Variants in SPACA1 observed in about 807,000 individuals in gnomAD.
SPACA1 encodes the protein sperm acrosome membrane-associated protein 1.
Under a neutral mutation model 32.6 loss-of-function variants are expected in SPACA1, and 17 were observed. The ratio of observed to expected loss-of-function variants is 0.52; its 90% CI spans 0.36 to 0.78. The LOEUF is 0.78. Ranked by LOEUF, SPACA1 falls within the 30% of genes least tolerant of loss-of-function variation. The pLI, the probability that SPACA1 is intolerant of heterozygous loss-of-function variation, is 0.01. For missense variants in SPACA1, 363 were observed against 373.4 expected (o/e 0.97, Z 0.23); for synonymous variants, 140 against 138.1 (o/e 1.01, Z -0.10).
upstream of SPACA1, chr6:88,047,833 C>T (rs1775662569): frequency 7.2e-7 from 1 of 1,392,816 alleles, no homozygotes; most frequent in South Asian, 1.5e-5. Context: ...GGTGTCGCAG[C>T]TCTCTTCGAC....
intron 2 of SPACA1, 53 bp downstream of exon 2, chr6:88,054,055 A>G: frequency 3.9e-6 from 6 of 1,546,710 alleles, no homozygotes; most frequent in Non-Finnish European, 4.5e-6. Context: ...CGGGGGAGGA[A>G]AGGTAAAAGC....
Position 88,059,469 on chromosome 6 carries a change from T to C in SPACA1, c.491T>C (p.Val164Ala). Residue 164 changes from valine (V) to alanine (A), a missense_variant, in exon 5 of 7, where the codon GTA (valine) becomes GCA (alanine). Coordinates refer to ENST00000237201, the MANE Select transcript of SPACA1 (RefSeq NM_030960.3). ...LRQDQQSIIL[V>A]NDSAILEVRK... ...TTTAAATAGCAATCCATTATACTTG[T>C]AAATGATTCAGCAATCCTAGAAGTA... 6.2e-7 allele frequency: 1 copy of C among 1,611,680 alleles called. No homozygotes were observed. Among genetic ancestry groups the C allele is most frequent in the Non-Finnish European group, 8.5e-7 (1 of 1,178,984 alleles).
chr6:88,051,633 C>T (rs1198958823), intron 1 of SPACA1, among the ~76,000 whole-genome samples: 1 of 152,190 alleles, frequency 6.6e-6, no homozygotes, highest in African/African-American at 2.4e-5. Flanking sequence ...CTATTGAATT[C>T]ACTATTGAAC....
chr6:88,050,354 T>C lies in SPACA1; in HGVS notation c.208+2241T>C, dbSNP rs562802536. 2.0e-5 allele frequency among the ~76,000 whole-genome samples: 3 copies of C among 152,300 alleles called. No homozygotes were observed. The East Asian group carries it at 5.8e-4, about 29-fold the overall frequency. ...CAATTCTTAAGTTAGAGAAAATTCA[T>C]CTAGTATATTCATCCAAGATAATCA... is the stretch of plus-strand genomic sequence containing the variant. On this transcript the variant is annotated intron_variant, in intron 1 of 6. Coordinates refer to ENST00000237201, the MANE Select transcript of SPACA1 (RefSeq NM_030960.3).
Position 88,066,332 on chromosome 6 carries a change from A to G in SPACA1, c.882A>G (p.Glu294=). ...GEDDALSEWN[E] is the part of the protein sequence containing the mutation. ...ATGATGCTTTAAGTGAATGGAATGA[A>G]TGATGTTTGAATGATATATAACAAA... Residue 294 remains glutamate, a synonymous_variant, in exon 7 of 7, where the codon GAA becomes GAG. Transcript: ENST00000237201. The G allele has an allele frequency of 6.2e-7, 1 of 1,609,280 alleles. No individual in the cohort carries two copies. The highest frequency in any genetic ancestry group is 8.5e-7 in the Non-Finnish European group (1 of 1,177,704).
chr6:88,048,762 C>A lies in SPACA1; in HGVS notation c.208+649C>A, dbSNP rs1306433192. 2.5e-5 allele frequency among the ~76,000 whole-genome samples: 3 copies of A among 120,226 alleles called. No homozygotes were observed. The Admixed American group carries it at 2.6e-4, about 10-fold the overall frequency. 78.9% of individuals were successfully genotyped at this position (120,226 alleles called of 152,430 possible). A position where few individuals can be genotyped will look rare whatever the true frequency, so the allele number is the denominator to read the frequency against. ...ATATTAACCAAGGAACAATGAGCCC[C>A]CCGCTTGGTACATACATTTGCTTTT... On this transcript the variant is annotated intron_variant, in intron 1 of 6. Transcript: ENST00000237201.
chr6:88,065,146 C>A (rs1044872860), intron 6 of SPACA1, among the ~76,000 whole-genome samples: 10 of 148,202 alleles, frequency 6.7e-5, no homozygotes, highest in Admixed American at 2.7e-4. Flanking sequence ...ACCATGTATA[C>A]ACACATATAT....
chr6:88,048,219 GCTCT>G (rs1174268718), intron 1 of SPACA1, 106 bp downstream of exon 1: 27 of 1,194,916 alleles, frequency 2.3e-5, no homozygotes, highest in East Asian at 1.3e-4. Flanking sequence ...CGTCAGGAGA[GCTCT>G]CTCTCATACT....
At chr6:88,050,854 G>T (rs953436482) in intron 1 of SPACA1, among the ~76,000 whole-genome samples, 3 of 152,190 alleles carry the variant, frequency 2.0e-5, no homozygotes, top group Non-Finnish European at 4.4e-5. Flanking sequence ...AAATCATTAA[G>T]ATATTAGATT....
In SPACA1 at chr6:88,066,428, G is replaced by A. The variant is rs1288583031; in HGVS notation, c.*93G>A. On this transcript the variant is annotated 3_prime_UTR_variant, in exon 7 of 7. Transcript: ENST00000237201. ...ATACACATTGAAATACTTTAATAAT[G>A]TTGCGATGGATTGCCACAGTGTGAA... 3.2e-5 allele frequency: 39 copies of A among 1,235,144 alleles called. No homozygotes were observed. 76.5% of individuals were successfully genotyped at this position (1,235,144 alleles called of 1,614,324 possible). A position where few individuals can be genotyped will look rare whatever the true frequency, so the allele number is the denominator to read the frequency against.
intron 5 of SPACA1, among the ~76,000 whole-genome samples, chr6:88,061,536 T>C (rs1054921043): frequency 1.3e-5 from 2 of 152,028 alleles, no homozygotes; most frequent in African/African-American, 4.8e-5. Context: ...GACAGCCATG[T>C]GAAAATGGAG....
intron 3 of SPACA1, 59 bp downstream of exon 3, chr6:88,057,772 T>C: frequency 6.8e-7 from 1 of 1,460,884 alleles, no homozygotes; most frequent in Non-Finnish European, 9.6e-7. Flanking sequence ...TGGGGAAATA[T>C]TTTTCACCTC....
chr6:88,057,783 A>G (rs1775832637), intron 3 of SPACA1, 70 bp downstream of exon 3: 1 of 1,360,880 alleles, frequency 7.3e-7, no homozygotes, highest in South Asian at 1.2e-5. Context: ...TTTTCACCTC[A>G]GGTTGCCACT....
At chr6:88,059,033 A>G in intron 4 of SPACA1, among the ~76,000 whole-genome samples, 1 of 152,250 alleles carries the variant, frequency 6.6e-6, no homozygotes, top group Admixed American at 6.5e-5. Flanking sequence ...TATAATCAGA[A>G]CTTTAAAACG....
intron 1 of SPACA1, among the ~76,000 whole-genome samples, chr6:88,048,964 T>C (rs1775688619): frequency 6.6e-6 from 1 of 152,208 alleles, no homozygotes; most frequent in Non-Finnish European, 1.5e-5. Context: ...TTGTTTGCAT[T>C]CTCATATCTC....
Position 88,051,103 on chromosome 6 carries a change from C to T in SPACA1, c.209-2843C>T, listed in dbSNP as rs960122250. Among the ~76,000 whole-genome samples the T allele has an allele frequency of 1.1e-3, 163 of 151,428 alleles. 1 individual carries two copies. The highest frequency in any genetic ancestry group is 3.7e-3 in the African/African-American group (152 of 41,252). On this transcript the variant is annotated intron_variant, in intron 1 of 6. Coordinates refer to ENST00000237201, the MANE Select transcript of SPACA1 (RefSeq NM_030960.3). Reference sequence around the variant, plus strand: ...TGGAGCTTGCAGTGAGCCGAGATTACGCCACTGCACTCCAGCCTGGGCAAC... The same window carrying T: ...TGGAGCTTGCAGTGAGCCGAGATTATGCCACTGCACTCCAGCCTGGGCAAC...
intron 6 of SPACA1, among the ~76,000 whole-genome samples, chr6:88,065,296 T>C (rs1775964291): frequency 6.7e-6 from 1 of 148,312 alleles, no homozygotes; most frequent in African/African-American, 2.5e-5. Flanking sequence ...AAACACTTAT[T>C]AGAGAAGAGG....
intron 2 of SPACA1, among the ~76,000 whole-genome samples, chr6:88,056,785 C>A (rs1456054210): frequency 6.6e-6 from 1 of 152,098 alleles, no homozygotes; most frequent in Non-Finnish European, 1.5e-5. Flanking sequence ...TGTAGCTAAT[C>A]CCATGTTTTG....
At chr6:88,047,561 G>C (rs1196134075), upstream of SPACA1, among the ~76,000 whole-genome samples, 1 of 152,208 alleles carries the variant, frequency 6.6e-6, no homozygotes, top group Non-Finnish European at 1.5e-5. Flanking sequence ...ATAAACTGAG[G>C]CAGAAGGAGC....
Sources: gnomAD v4.1 joint callset for allele counts (sites outside exome capture counted in the v4.1 genomes callset) on GRCh38, gnomAD v4.1.1 for gene constraint, MANE v1.5 for transcripts, NCBI Gene and HGNC (gene_info 2026-07-23, HGNC 2026-07-21) for gene names.